The following CD200R1 variants were observed in gnomAD, a reference collection of about 807,000 sequenced individuals.
CD200R1 encodes the protein CD200 receptor 1, also known as cell surface glycoprotein CD200 receptor 1.
A neutral mutation model predicts 38.1 loss-of-function variants in CD200R1; 30 were observed. The ratio of observed to expected loss-of-function variants is 0.79; its 90% CI spans 0.59 to 1.07. The LOEUF is 1.07. Ranked by LOEUF, CD200R1 falls within the 50% of genes least tolerant of loss-of-function variation. The pLI is 0.00. For missense variants in CD200R1, 372 were observed against 415.4 expected, an observed-to-expected ratio of 0.90 and a Z score of 0.91; for synonymous variants, 128 against 152.1, an observed-to-expected ratio of 0.84 and a Z score of 1.16.
chr3:112,957,329 A>G (rs542853628), intron 1 of CD200R1, among the ~76,000 whole-genome samples: 105 of 152,270 alleles, frequency 6.9e-4, no homozygotes, highest in African/African-American at 2.4e-3. Context: ...GTCCTATTCC[A>G]CCTTTGTGCT....
chr3:112,974,142 TAAGAG>T (rs1933376425), intron 1 of CD200R1, among the ~76,000 whole-genome samples: 1 of 151,766 alleles, frequency 6.6e-6, no homozygotes, highest in Non-Finnish European at 1.5e-5. Flanking sequence ...AAAAAAAAAT[TAAGAG>T]AGAAGAGGCT....
chr3:112,925,030 A>T, intron 6 of CD200R1, 55 bp downstream of exon 6: 1 of 1,021,302 alleles, frequency 9.8e-7, no homozygotes, highest in Admixed American at 1.8e-5. Flanking sequence ...CATATTTCTG[A>T]CTCTTTTCTA....
chr3:112,922,386 A>G lies in CD200R1; in HGVS notation c.*1291T>C, dbSNP rs1338192244. 2 of 152,002 alleles carry G rather than the reference A, an allele frequency of 1.3e-5. No homozygotes were observed. Among genetic ancestry groups the G allele is most frequent in the Non-Finnish European group, 2.9e-5 (2 of 67,920 alleles). The allele number at this position is 152,002 out of a possible 1,614,324, so 9.4% of individuals were successfully genotyped here. ...AACATTGCCAATATTTTGCTCCACA[A>G]AAATATGGAGGGGAGGGTCATGCCA... On this transcript the variant is annotated 3_prime_UTR_variant, in exon 8 of 8. Transcript: ENST00000308611.
chr3:112,966,216 G>A lies in CD200R1; in HGVS notation c.67+8575C>T, dbSNP rs192741676. The stretch of plus-strand genomic sequence containing the variant: ...TGATGAGGAAACTAGGAAAGACCTA[G>A]AGCAGTGTTCTGAACCCTGGCACCC... On this transcript the variant is annotated intron_variant, in intron 1 of 7. Coordinates refer to ENST00000308611, the MANE Select transcript of CD200R1 (RefSeq NM_138806.4). 3.3e-5 allele frequency among the ~76,000 whole-genome samples: 5 copies of A among 152,272 alleles called. No homozygotes were observed. The East Asian group carries it at 5.8e-4, about 18-fold the overall frequency.
chr3:112,971,431 T>C (rs1463218327), intron 1 of CD200R1, among the ~76,000 whole-genome samples: 1 of 152,178 alleles, frequency 6.6e-6, no homozygotes, highest in African/African-American at 2.4e-5. Flanking sequence ...TTCCTCCTAC[T>C]TGTCCTCCCT....
intron 2 of CD200R1, among the ~76,000 whole-genome samples, chr3:112,936,989 G>A (rs944356559): frequency 1.6e-4 from 24 of 152,124 alleles, no homozygotes; most frequent in South Asian, 2.1e-4. Context: ...TTTTGTACAT[G>A]ATGTAAGGAA....
chr3:112,961,608 C>A (rs1933020722), intron 1 of CD200R1, among the ~76,000 whole-genome samples: 1 of 151,504 alleles, frequency 6.6e-6, no homozygotes, highest in Non-Finnish European at 1.5e-5. Context: ...TCTTTCTAAT[C>A]CTGATATAAA....
intron 2 of CD200R1, among the ~76,000 whole-genome samples, chr3:112,931,773 C>A (rs1416398142): frequency 6.6e-6 from 1 of 151,950 alleles, no homozygotes; most frequent in East Asian, 1.9e-4. Context: ...AAGGACCAAG[C>A]AATAGACAGC....
intron 1 of CD200R1, among the ~76,000 whole-genome samples, chr3:112,968,990 C>T (rs190582924): frequency 6.8e-4 from 103 of 152,282 alleles, no homozygotes; most frequent in African/African-American, 2.5e-3. Context: ...AGACTAACAA[C>T]TTCAAGTTGA....
chr3:112,948,511 T>G (rs933836190), intron 1 of CD200R1, among the ~76,000 whole-genome samples: 1 of 152,208 alleles, frequency 6.6e-6, no homozygotes, highest in African/African-American at 2.4e-5. Context: ...TCATAAGGAA[T>G]GCACAGCCTA....
chr3:112,960,711 A>G (rs1241379813), intron 1 of CD200R1, among the ~76,000 whole-genome samples: 1 of 152,066 alleles, frequency 6.6e-6, no homozygotes, highest in African/African-American at 2.4e-5. Flanking sequence ...ATACCTCAAA[A>G]GATAATGACT....
intron 7 of CD200R1, 52 bp downstream of exon 7, chr3:112,924,437 AT>A: frequency 8.0e-7 from 1 of 1,246,344 alleles, no homozygotes; most frequent in Non-Finnish European, 1.0e-6. Context: ...ATGTTGCTAG[AT>A]TTTCAGACTA....
chr3:112,966,727 A>T (rs932234499), intron 1 of CD200R1, among the ~76,000 whole-genome samples: 1 of 152,182 alleles, frequency 6.6e-6, no homozygotes, highest in African/African-American at 2.4e-5. Context: ...ATATCCTTTG[A>T]ACACATTCAG....
chr3:112,942,853 C>A (rs1453227797), intron 2 of CD200R1, among the ~76,000 whole-genome samples: 1 of 151,456 alleles, frequency 6.6e-6, no homozygotes, highest in Non-Finnish European at 1.5e-5. Flanking sequence ...GCAATGACTT[C>A]AGAGCAAGAA....
chr3:112,943,213 T>C (rs1940766919), intron 2 of CD200R1, among the ~76,000 whole-genome samples: 1 of 151,656 alleles, frequency 6.6e-6, no homozygotes, highest in Non-Finnish European at 1.5e-5. Context: ...TGTACCAAAA[T>C]AGACCACATT....
At chr3:112,934,231 G>A (rs182311173) in intron 2 of CD200R1, among the ~76,000 whole-genome samples, 35 of 152,046 alleles carry the variant, frequency 2.3e-4, no homozygotes, top group Non-Finnish European at 3.4e-4. Context: ...ATAAAAACAC[G>A]CAAGAGAAAA....
intron 2 of CD200R1, among the ~76,000 whole-genome samples, chr3:112,933,591 A>G (rs144660185): frequency 0.022 from 3,294 of 152,296 alleles, 41 homozygotes; most frequent in South Asian, 0.048. Context: ...GCAAGAAAAT[A>G]TGATAGACCC....
intron 1 of CD200R1, among the ~76,000 whole-genome samples, chr3:112,953,763 C>G (rs757957689): frequency 5.3e-5 from 8 of 152,022 alleles, no homozygotes; most frequent in Non-Finnish European, 8.8e-5. Context: ...TCTTGTGATC[C>G]TTTGTGTTTC....
In CD200R1 at chr3:112,923,813, CAAAGTT is replaced by C. The variant is rs753074303; in HGVS notation, c.925-20_925-15del. On this transcript the variant is annotated splice_polypyrimidine_tract_variant and intron_variant, in intron 7 of 7. Coordinates refer to ENST00000308611, the MANE Select transcript of CD200R1 (RefSeq NM_138806.4). ...CTGCATTTCATCCTAAGAAAGAACT[CAAAGTT>C]AAAATCAATTCAAAAAATCATCATA... 6.6e-6 allele frequency: 10 copies of C among 1,506,602 alleles called. No homozygotes were observed. In the African/African-American group the frequency reaches 1.3e-4, roughly 19 times the overall value. The allele number at this position is 1,506,602 out of a possible 1,614,324, so 93.3% of individuals were successfully genotyped here.
Sources: gnomAD v4.1 joint callset for allele counts (sites outside exome capture counted in the v4.1 genomes callset) on GRCh38, gnomAD v4.1.1 for gene constraint, MANE v1.5 for transcripts, NCBI Gene and HGNC (gene_info 2026-07-23, HGNC 2026-07-21) for gene names.